The following HEATR5B variants were observed in gnomAD, a reference collection of about 807,000 sequenced individuals.
The protein encoded by HEATR5B is HEAT repeat containing 5B.
HEATR5B carries 156 observed loss-of-function variants against 224.1 expected under a neutral mutation model. The observed-to-expected ratio is 0.70, with a 90% confidence interval of 0.61 to 0.80. The LOEUF (loss-of-function observed/expected upper bound fraction) is 0.80, where lower values mean the gene tolerates loss of function less well. Ranked by LOEUF, HEATR5B falls within the 30% of genes least tolerant of loss-of-function variation. HEATR5B has a pLI of 0.00. For synonymous variants in HEATR5B, 1,027 were observed against 893.0 expected, an observed-to-expected ratio of 1.15 and a Z score of -2.68; for missense variants, 2,323 against 2,535.5, an observed-to-expected ratio of 0.92 and a Z score of 1.80.
At chr2:37,055,273 T>G (rs1670834762) in intron 16 of HEATR5B, among the ~76,000 whole-genome samples, 2 of 151,556 alleles carry the variant, frequency 1.3e-5, no homozygotes, top group South Asian at 2.1e-4. Context: ...CTGTTGAATA[T>G]TTATGTTATT....
chr2:37,056,466 C>G lies in HEATR5B; in HGVS notation c.2373G>C (p.Val791=). 6.2e-7 allele frequency: 1 copy of G among 1,608,340 alleles called. No individual in the cohort carries two copies. The highest frequency in any genetic ancestry group is 8.5e-7 in the Non-Finnish European group (1 of 1,177,882). ...IDASVALFGV[V]FPHVSYKHRL... Reference sequence around the variant, plus strand: ...GGTGTTTATAAGAAACATGAGGAAACACTACACCAAAAAGGGCCACAGAAG... The same window carrying G: ...GGTGTTTATAAGAAACATGAGGAAAGACTACACCAAAAAGGGCCACAGAAG... Residue 791 remains valine (V), a synonymous_variant, in exon 16 of 36, where the codon GTG becomes GTC. Coordinates refer to ENST00000233099, the MANE Select transcript of HEATR5B (RefSeq NM_019024.3).
chr2:37,056,561 T>C lies in HEATR5B; in HGVS notation c.2278A>G (p.Ile760Val), dbSNP rs772708351. The C allele has an allele frequency of 4.3e-6, 7 of 1,612,204 alleles. No homozygotes were observed. Among genetic ancestry groups the C allele is most frequent in the Non-Finnish European group, 5.1e-6 (6 of 1,179,160 alleles). ...TCTCCAGCAGGTATGCGTAAATAAA[T>C]AGAGGAAGGATCATGCTCCAGAGCC... is the stretch of plus-strand genomic sequence containing the variant. ...SGALEHDPSS[I>V]YLRIPAGEAV... is the part of the protein sequence containing the mutation. The change falls in exon 16 of 36, where the codon ATT becomes GTT. Residue 760 changes from isoleucine (I) to valine (V), a missense_variant. Ile to Val is a conservative substitution (Grantham distance 29). Transcript: ENST00000233099.
At chr2:36,984,198 C>G (rs1219131047) in intron 35 of HEATR5B, among the ~76,000 whole-genome samples, 4 of 23,540 alleles carry the variant, frequency 1.7e-4, no homozygotes, top group African/African-American at 1.4e-3. Context: ...GAAACTCTGT[C>G]TCAAAAAAAA....
At chr2:37,032,535 A>T in intron 22 of HEATR5B, 94 bp downstream of exon 22, 1 of 1,029,990 alleles carries the variant, frequency 9.7e-7, no homozygotes, top group Non-Finnish European at 1.4e-6. Flanking sequence ...ATCTGGCCAC[A>T]TTGCAACAGA....
intron 20 of HEATR5B, among the ~76,000 whole-genome samples, chr2:37,039,096 G>C (rs1361783394): frequency 1.3e-5 from 2 of 151,856 alleles, no homozygotes; most frequent in East Asian, 1.9e-4. Flanking sequence ...TGAGATGGGA[G>C]TGGGAGGATT....
At chr2:37,031,806 T>A (rs958547033) in intron 22 of HEATR5B, among the ~76,000 whole-genome samples, 1 of 152,142 alleles carries the variant, frequency 6.6e-6, no homozygotes, top group Non-Finnish European at 1.5e-5. Flanking sequence ...GTAAAAAATT[T>A]CCCTCATAAT....
chr2:37,051,250 GGA>G (rs1452928558), intron 17 of HEATR5B, among the ~76,000 whole-genome samples: 1 of 149,936 alleles, frequency 6.7e-6, no homozygotes. Flanking sequence ...CAGCTACTCG[GGA>G]GGCTGAGGCA....
At chr2:37,050,816 G>A (rs1465477736) in intron 17 of HEATR5B, among the ~76,000 whole-genome samples, 1 of 152,174 alleles carries the variant, frequency 6.6e-6, no homozygotes, top group Non-Finnish European at 1.5e-5. Context: ...AAGGCGGGGA[G>A]ATCATGACAT....
At position 37,005,775 on chromosome 2, in the gene HEATR5B, TA is replaced by T. The variant is rs1395217959; in HGVS notation, c.4778-17del. The T allele has an allele frequency of 6.5e-7, 1 of 1,550,034 alleles. No homozygotes were observed. The highest frequency in any genetic ancestry group is 8.7e-7 in the Non-Finnish European group (1 of 1,153,426). On this transcript the variant is annotated splice_polypyrimidine_tract_variant and intron_variant, in intron 29 of 35. Coordinates refer to ENST00000233099, the MANE Select transcript of HEATR5B (RefSeq NM_019024.3). ...ATACTCACACCTGAAATGCACAAAA[TA>T]AAAACATGTTTTTTCACTTATAAAA...
chr2:36,987,179 A>C (rs1430971956), intron 35 of HEATR5B, among the ~76,000 whole-genome samples: 1 of 152,192 alleles, frequency 6.6e-6, no homozygotes, highest in Non-Finnish European at 1.5e-5. Flanking sequence ...TTGTAATCCG[A>C]GCACTTTGGG....
At chr2:37,045,279 G>C (rs750427648) in intron 18 of HEATR5B, among the ~76,000 whole-genome samples, 4 of 151,066 alleles carry the variant, frequency 2.6e-5, no homozygotes, top group Non-Finnish European at 5.9e-5. Context: ...AGTAATTTTT[G>C]ATTGGATACA....
chr2:37,082,182 GCCTCAGCCTC>G (rs1180157298), intron 2 of HEATR5B, among the ~76,000 whole-genome samples: 1 of 140,682 alleles, frequency 7.1e-6, no homozygotes, highest in African/African-American at 2.7e-5. Context: ...CGATTCTCCT[GCCTCAGCCTC>G]CCCAGTAGCT....
intron 8 of HEATR5B, among the ~76,000 whole-genome samples, chr2:37,066,746 G>A (rs529868271): frequency 6.6e-6 from 1 of 152,050 alleles, no homozygotes; most frequent in South Asian, 2.1e-4. Context: ...ACGAATTTAT[G>A]ACCTTAACAT....
chr2:37,015,932 T>A, intron 26 of HEATR5B, among the ~76,000 whole-genome samples: 2 of 151,876 alleles, frequency 1.3e-5, no homozygotes, highest in Middle Eastern at 6.8e-3. Context: ...AGATGGAACA[T>A]AGTTACAATT....
At chr2:37,059,701 C>A (rs1021615358) in intron 12 of HEATR5B, among the ~76,000 whole-genome samples, 9 of 151,754 alleles carry the variant, frequency 5.9e-5, no homozygotes, top group African/African-American at 2.2e-4. Context: ...TGAGAGTGAT[C>A]CACCCGCCTT....
intron 35 of HEATR5B, among the ~76,000 whole-genome samples, 169 bp downstream of exon 35, chr2:36,988,477 G>C (rs991997985): frequency 1.3e-5 from 2 of 152,054 alleles, no homozygotes; most frequent in African/African-American, 4.8e-5. Context: ...GGCCAGGATG[G>C]TCTCGATCTC....
chr2:37,066,051 T>C (rs1291979027), intron 8 of HEATR5B, 141 bp from the exon 9 acceptor site: 3 of 660,798 alleles, frequency 4.5e-6, no homozygotes, highest in Non-Finnish European at 7.4e-6. Context: ...AATAGAAAAC[T>C]TGTAGAACTA....
intron 27 of HEATR5B, 89 bp downstream of exon 27, chr2:37,013,752 A>C (rs1572804245): frequency 1.6e-6 from 2 of 1,227,686 alleles, no homozygotes; most frequent in East Asian, 5.0e-5. Context: ...TTTAAAAAAC[A>C]AAAATTTTTT....
At chr2:37,005,868 T>G (rs1667383894) in intron 29 of HEATR5B, 109 bp from the exon 30 acceptor site, 1 of 804,396 alleles carries the variant, frequency 1.2e-6, no homozygotes, top group South Asian at 2.0e-5. Flanking sequence ...TTAACATGTA[T>G]TTATTAATAC....
Sources: gnomAD v4.1 joint callset for allele counts (sites outside exome capture counted in the v4.1 genomes callset) on GRCh38, gnomAD v4.1.1 for gene constraint, MANE v1.5 for transcripts, NCBI Gene and HGNC (gene_info 2026-07-23, HGNC 2026-07-21) for gene names.